SEC24B: variants seen among roughly 807,000 people sequenced by gnomAD.
The protein encoded by SEC24B is protein transport protein Sec24B.
In SEC24B, 45 loss-of-function variants were observed where a neutral mutation model predicts 142.8. The ratio of observed to expected loss-of-function variants is 0.32; its 90% confidence interval spans 0.25 to 0.40. SEC24B has a LOEUF of 0.40. Among genes scored for constraint, SEC24B ranks in the 10% least tolerant of loss-of-function variants. The pLI, the probability that SEC24B is intolerant of heterozygous loss-of-function variation, is 1.00. For synonymous variants in SEC24B, 574 were observed against 568.2 expected (o/e 1.01, Z -0.15); for missense variants, 1,409 against 1,526.8 (o/e 0.92, Z 1.29).
chr4:109,521,794 C>T (rs1424989325), intron 14 of SEC24B, among the ~76,000 whole-genome samples, 168 bp downstream of exon 14: 3 of 152,126 alleles, frequency 2.0e-5, no homozygotes, highest in East Asian at 3.9e-4. Flanking sequence ...CGCAGTGGCG[C>T]GATCTTGTCT....
chr4:109,473,058 G>A lies in SEC24B; in HGVS notation c.932G>A (p.Ser311Asn). 6.2e-7 allele frequency: 1 copy of A among 1,602,860 alleles called. No homozygotes were observed. Among genetic ancestry groups the A allele is most frequent in the Admixed American group, 1.7e-5 (1 of 58,222 alleles). The change falls in exon 3 of 24, where the codon AGC (serine) becomes AAC (asparagine). Residue 311 changes from serine to asparagine, a missense_variant. Physicochemically the swap from Ser to Asn is conservative, Grantham distance 46. Coordinates refer to ENST00000265175, the MANE Select transcript of SEC24B (RefSeq NM_006323.5). ...VMQNVQPPKS[S>N]PVVSTVLSGS... The stretch of plus-strand genomic sequence containing the variant: ...CAAAATGTTCAGCCTCCCAAGTCCA[G>A]CCCAGTGGTATCCACTGTTTTATCA...
chr4:109,519,609 G>T (rs1395213016), intron 11 of SEC24B, among the ~76,000 whole-genome samples: 1 of 152,144 alleles, frequency 6.6e-6, no homozygotes, highest in Admixed American at 6.5e-5. Context: ...AGTCTCACAG[G>T]AGTGAAGATT....
chr4:109,494,758 C>CA lies in SEC24B; in HGVS notation c.1390_1391insA (p.Pro464HisfsTer22). On this transcript the variant is annotated frameshift_variant, in exon 6 of 24. Transcript: ENST00000265175. LOFTEE classifies it high-confidence loss of function. ...GGCTAAGCCTTTTGGCTATGGCTAT[C>CA]CAACACTTCAGCCTGGTTATCAGAA... 1 of 1,614,232 alleles carries CA rather than the reference C, an allele frequency of 6.2e-7. No homozygotes were observed. The highest frequency in any genetic ancestry group is 8.5e-7 in the Non-Finnish European group (1 of 1,180,042).
At chr4:109,506,040 T>C (rs551019096) in intron 6 of SEC24B, among the ~76,000 whole-genome samples, 13 of 152,324 alleles carry the variant, frequency 8.5e-5, no homozygotes, top group East Asian at 3.9e-4. Flanking sequence ...GGGGCACTTA[T>C]CGTGTTTTTC....
At chr4:109,484,245 TA>T (rs1161149430) in intron 4 of SEC24B, among the ~76,000 whole-genome samples, 2 of 152,228 alleles carry the variant, frequency 1.3e-5, no homozygotes, top group Non-Finnish European at 2.9e-5. Context: ...AGTTATTTTG[TA>T]AAATGTTCCC....
chr4:109,515,092 T>G (rs1408080226), intron 10 of SEC24B, among the ~76,000 whole-genome samples: 2 of 152,092 alleles, frequency 1.3e-5, no homozygotes, highest in Non-Finnish European at 2.9e-5. Flanking sequence ...GGTTAGCACA[T>G]TTTTATTTAT....
At chr4:109,506,601 C>T (rs1483558971) in intron 7 of SEC24B, 89 bp downstream of exon 7, 17 of 952,684 alleles carry the variant, frequency 1.8e-5, no homozygotes, top group South Asian at 1.7e-4. Flanking sequence ...GTTATTTCTT[C>T]GGTTGGAAGT....
At chr4:109,522,684 A>C (rs1422585457) in intron 14 of SEC24B, among the ~76,000 whole-genome samples, 1 of 152,248 alleles carries the variant, frequency 6.6e-6, no homozygotes, top group East Asian at 1.9e-4. Flanking sequence ...ATAAATCACC[A>C]ATAATCTAAC....
intron 1 of SEC24B, among the ~76,000 whole-genome samples, chr4:109,442,716 C>T (rs1445602029): frequency 6.6e-6 from 1 of 152,124 alleles, no homozygotes; most frequent in African/African-American, 2.4e-5. Flanking sequence ...ATGGAAATCT[C>T]AGGAGTAGTC....
At position 109,463,627 on chromosome 4, in the gene SEC24B, A is replaced by C; in HGVS notation, c.860A>C (p.Asn287Thr). The C allele has an allele frequency of 1.2e-6, 2 of 1,613,156 alleles. No homozygotes were observed. The highest frequency in any genetic ancestry group is 1.7e-6 in the Non-Finnish European group (2 of 1,179,204). ...NHTGSLAVANNNPTITVADSL... is the reference protein window; with the variant it reads ...NHTGSLAVANTNPTITVADSL... ...ACAGGATCCCTGGCTGTAGCGAACAACAACCCAACCATTACTGGTAGGTTG... is the reference window on the plus strand; with the variant it reads ...ACAGGATCCCTGGCTGTAGCGAACACCAACCCAACCATTACTGGTAGGTTG... The change falls in exon 2 of 24, where the codon AAC becomes ACC. Residue 287 changes from asparagine (N) to threonine (T), a missense_variant. Around this residue, in one of 2 missense-constraint regions of SEC24B, gnomAD observed 709 missense variants for 673.5 expected, o/e 1.05. Coordinates refer to ENST00000265175, the MANE Select transcript of SEC24B (RefSeq NM_006323.5).
rs74756245 is a variant in SEC24B at position 109,473,555 on chromosome 4, A to G, written c.1060+369A>G. ...ATTATTTAGTGACTCTCCATATCCT[A>G]TTTGATTATTTCTGTGCTTTTTGTT... On this transcript the variant is annotated intron_variant, in intron 3 of 23. Transcript: ENST00000265175. Among the ~76,000 whole-genome samples, 76 of 152,292 alleles carry G rather than the reference A, an allele frequency of 5.0e-4. 2 individuals are homozygous for G. The East Asian group carries it at 0.014, about 27-fold the overall frequency.
chr4:109,453,867 TCCCGC>T (rs1231660969), intron 1 of SEC24B, among the ~76,000 whole-genome samples: 1 of 152,136 alleles, frequency 6.6e-6, no homozygotes, highest in Admixed American at 6.5e-5. Flanking sequence ...ATCCCTGACT[TCCCGC>T]AACAGACGGA....
chr4:109,504,632 C>T (rs2126032418), intron 6 of SEC24B, among the ~76,000 whole-genome samples: 1 of 152,172 alleles, frequency 6.6e-6, no homozygotes, highest in Middle Eastern at 3.4e-3. Context: ...TGGTGATGTA[C>T]ACTTCAAAAT....
Position 109,521,461 on chromosome 4 carries a change from C to T in SEC24B, c.2343C>T (p.Thr781=). ...TGAATGCATTACCAAACATGTTCAC[C>T]AATACAAGAGAAACACACAGTGCCC... ...DLLNALPNMF[T]NTRETHSALG... is the part of the protein sequence containing the mutation. The change falls in exon 14 of 24, where the codon ACC becomes ACT. Residue 781 remains threonine, a synonymous_variant. Coordinates refer to ENST00000265175, the MANE Select transcript of SEC24B (RefSeq NM_006323.5). 1 of 1,613,992 alleles carries T rather than the reference C, an allele frequency of 6.2e-7. No individual in the cohort carries two copies. Among genetic ancestry groups the T allele is most frequent in the Non-Finnish European group, 8.5e-7 (1 of 1,179,972 alleles).
chr4:109,482,191 A>C (rs1345775324), intron 4 of SEC24B, among the ~76,000 whole-genome samples: 1 of 152,208 alleles, frequency 6.6e-6, no homozygotes, highest in Non-Finnish European at 1.5e-5. Flanking sequence ...TGGATTTTAT[A>C]ATAGGGATAG....
chr4:109,452,968 T>C (rs2125912932), intron 1 of SEC24B, among the ~76,000 whole-genome samples: 1 of 152,372 alleles, frequency 6.6e-6, no homozygotes, highest in South Asian at 2.1e-4. Context: ...TTTCCCTAAG[T>C]GTCAGCTGGT....
At position 109,506,527 on chromosome 4, in the gene SEC24B, A is replaced by C. The variant is rs1218276687; in HGVS notation, c.1673+15A>C. ...TGTAGCCCAGAGTAGGTATTTATTT[A>C]TTTTATAATCTTTCTTAAGTGATGA... On this transcript the variant is annotated intron_variant, in intron 7 of 23. Coordinates refer to ENST00000265175, the MANE Select transcript of SEC24B (RefSeq NM_006323.5). 1 of 1,441,646 alleles carries C rather than the reference A, an allele frequency of 6.9e-7. No individual in the cohort carries two copies. The highest frequency in any genetic ancestry group is 2.5e-5 in the East Asian group (1 of 40,380). 89.3% of individuals were successfully genotyped at this position (1,441,646 alleles called of 1,614,324 possible).
chr4:109,464,119 TC>T (rs1194400006), intron 2 of SEC24B, among the ~76,000 whole-genome samples: 4 of 152,188 alleles, frequency 2.6e-5, no homozygotes, highest in Non-Finnish European at 4.4e-5. Context: ...AAGACATCTT[TC>T]CTGCACGTAA....
chr4:109,529,502 C>G (rs1247688117), intron 18 of SEC24B, among the ~76,000 whole-genome samples: 2 of 152,044 alleles, frequency 1.3e-5, no homozygotes, highest in Non-Finnish European at 2.9e-5. Flanking sequence ...TTACCTGTGT[C>G]TTAATGGCTG....
Sources: allele counts gnomAD v4.1 joint callset (sites outside exome capture counted in the v4.1 genomes callset), GRCh38; gene constraint gnomAD v4.1.1; regional missense constraint gnomAD v4.1.1; transcripts MANE v1.5; gene names NCBI Gene and HGNC (gene_info 2026-07-23, HGNC 2026-07-21).